Variants in SGCZ observed in about 807,000 individuals in gnomAD.
SGCZ encodes zeta-sarcoglycan.
In SGCZ, 40 loss-of-function variants were observed where a neutral mutation model predicts 41.3. The observed-to-expected ratio is 0.97, with a 90% CI of 0.75 to 1.26. The LOEUF (loss-of-function observed/expected upper bound fraction) is 1.26. Ranked by LOEUF, SGCZ falls within the 50% of genes most tolerant of loss-of-function variation. The pLI is 0.00. For missense variants in SGCZ, 552 were observed against 369.8 expected, an observed-to-expected ratio of 1.49 and a Z score of -4.04; for synonymous variants, 206 against 137.5, an observed-to-expected ratio of 1.50 and a Z score of -3.49.
At position 14,088,752 on chromosome 8, in the gene SGCZ, G is replaced by C. The variant is rs947778360; in HGVS notation, c.*1691C>G. On this transcript the variant is annotated 3_prime_UTR_variant, in exon 8 of 8. Transcript: ENST00000382080. ...GCTTTTTCAGTTATTTGATATGCTAGGTTATGCAAACAAGATAATTCTGGT... is the reference window on the plus strand; with the variant it reads ...GCTTTTTCAGTTATTTGATATGCTACGTTATGCAAACAAGATAATTCTGGT... Among the ~76,000 whole-genome samples, 8 of 151,906 alleles carry C rather than the reference G, an allele frequency of 5.3e-5. No individual in the cohort carries two copies. The highest frequency in any genetic ancestry group is 4.4e-5 in the Non-Finnish European group (3 of 67,852).
At chr8:14,771,092 G>C (rs1441795886) in intron 1 of SGCZ, among the ~76,000 whole-genome samples, 2 of 152,130 alleles carry the variant, frequency 1.3e-5, no homozygotes, top group Admixed American at 6.5e-5. Context: ...GCTGATCATG[G>C]AATATATGGT....
At chr8:15,152,619 T>G (rs918275301) in intron 1 of SGCZ, among the ~76,000 whole-genome samples, 1 of 152,086 alleles carries the variant, frequency 6.6e-6, no homozygotes, top group East Asian at 1.9e-4. Flanking sequence ...GCACGGCGAG[T>G]AGAAAACAGA....
At chr8:15,189,522 T>C (rs1488361069) in intron 1 of SGCZ, among the ~76,000 whole-genome samples, 3 of 152,050 alleles carry the variant, frequency 2.0e-5, no homozygotes, top group Admixed American at 1.3e-4. Flanking sequence ...AGGGACTCTT[T>C]GTGTACAGTT....
chr8:14,208,342 G>A (rs1805685023), intron 4 of SGCZ, among the ~76,000 whole-genome samples: 1 of 152,162 alleles, frequency 6.6e-6, no homozygotes. Context: ...GTAAAAATCT[G>A]ACACCGTAAG....
chr8:15,010,363 A>G (rs1422310200), intron 1 of SGCZ, among the ~76,000 whole-genome samples: 1 of 152,244 alleles, frequency 6.6e-6, no homozygotes, highest in African/African-American at 2.4e-5. Flanking sequence ...CATTTATAGA[A>G]ATCTCAACAG....
intron 2 of SGCZ, among the ~76,000 whole-genome samples, chr8:14,439,310 A>T (rs1283309075): frequency 1.4e-5 from 2 of 142,696 alleles, no homozygotes; most frequent in East Asian, 2.1e-4. Flanking sequence ...AGAAGAAAGA[A>T]ATATATATAT....
chr8:14,947,695 A>G (rs1454359973), intron 1 of SGCZ, among the ~76,000 whole-genome samples: 3 of 152,218 alleles, frequency 2.0e-5, no homozygotes, highest in Non-Finnish European at 2.9e-5. Flanking sequence ...AATCCATTAT[A>G]GATGACACCT....
intron 1 of SGCZ, among the ~76,000 whole-genome samples, chr8:14,590,330 G>A (rs764392584): frequency 2.0e-5 from 3 of 151,772 alleles, no homozygotes; most frequent in Non-Finnish European, 2.9e-5. Context: ...TCATGACAGA[G>A]CAATTGTTAA....
At chr8:14,918,299 A>G (rs1799496873) in intron 1 of SGCZ, among the ~76,000 whole-genome samples, 1 of 152,188 alleles carries the variant, frequency 6.6e-6, no homozygotes, top group South Asian at 2.1e-4. Context: ...TAGTTCTCAG[A>G]ACTAGGTCCA....
intron 1 of SGCZ, among the ~76,000 whole-genome samples, chr8:15,101,450 A>G (rs1325838777): frequency 6.6e-6 from 1 of 152,238 alleles, no homozygotes; most frequent in Non-Finnish European, 1.5e-5. Context: ...AGATGTTACC[A>G]AAGAAGACAC....
At chr8:15,079,020 C>T (rs73205443) in intron 1 of SGCZ, among the ~76,000 whole-genome samples, 2,455 of 152,158 alleles carry the variant, frequency 0.016, 38 homozygotes, top group South Asian at 0.052. Flanking sequence ...TATCTTTGAG[C>T]CTTGGCTTTA....
At chr8:14,190,417 A>C (rs1037109982) in intron 4 of SGCZ, among the ~76,000 whole-genome samples, 1 of 151,872 alleles carries the variant, frequency 6.6e-6, no homozygotes, top group Non-Finnish European at 1.5e-5. Flanking sequence ...ATATATATAT[A>C]TCACACTTTC....
chr8:14,175,977 C>G (rs1309545315), intron 4 of SGCZ, among the ~76,000 whole-genome samples: 1 of 151,990 alleles, frequency 6.6e-6, no homozygotes, highest in Non-Finnish European at 1.5e-5. Flanking sequence ...TCCATAACGA[C>G]AAAAACTAGA....
intron 2 of SGCZ, among the ~76,000 whole-genome samples, chr8:14,337,418 T>G (rs778871368): frequency 4.6e-5 from 7 of 152,074 alleles, no homozygotes; most frequent in Non-Finnish European, 7.4e-5. Flanking sequence ...TGAGGGTGCT[T>G]GATCAGGTGG....
At chr8:14,945,418 C>G (rs183749280) in intron 1 of SGCZ, among the ~76,000 whole-genome samples, 202 of 152,070 alleles carry the variant, frequency 1.3e-3, no homozygotes, top group African/African-American at 4.7e-3. Flanking sequence ...TTGTATTACT[C>G]TAAGGCCTCT....
At chr8:14,130,971 T>A (rs1325627155) in intron 5 of SGCZ, among the ~76,000 whole-genome samples, 1 of 152,166 alleles carries the variant, frequency 6.6e-6, no homozygotes, top group Admixed American at 6.5e-5. Context: ...CAGCCAATCC[T>A]TTGTGCCCTG....
intron 1 of SGCZ, among the ~76,000 whole-genome samples, chr8:14,797,321 A>G (rs923532841): frequency 2.0e-5 from 3 of 152,146 alleles, no homozygotes; most frequent in Admixed American, 1.3e-4. Flanking sequence ...GATATGGACA[A>G]TGAAGCCCAA....
chr8:14,864,099 A>G (rs749311745), intron 1 of SGCZ, among the ~76,000 whole-genome samples: 39 of 152,280 alleles, frequency 2.6e-4, no homozygotes, highest in Non-Finnish European at 4.7e-4. Context: ...CTATTTCAAC[A>G]TATTCTTGAA....
At chr8:14,854,269 T>C (rs963115471) in intron 1 of SGCZ, among the ~76,000 whole-genome samples, 1 of 151,642 alleles carries the variant, frequency 6.6e-6, no homozygotes, top group African/African-American at 2.4e-5. Context: ...AACAACATTA[T>C]ATGCAAAATG....
Sources: allele counts gnomAD v4.1 joint callset (sites outside exome capture counted in the v4.1 genomes callset), GRCh38; gene constraint gnomAD v4.1.1; transcripts MANE v1.5; gene names NCBI Gene and HGNC (gene_info 2026-07-23, HGNC 2026-07-21).